The following CSMD1 variants were observed in gnomAD, a reference collection of about 807,000 sequenced individuals.
CSMD1 encodes the protein CUB and Sushi multiple domains 1.
A neutral mutation model predicts 417.5 loss-of-function variants in CSMD1; 213 were observed. That is an observed-to-expected ratio of 0.51 (90% CI 0.46 to 0.57). CSMD1 has a LOEUF of 0.57. Ranked by LOEUF, CSMD1 falls within the 20% of genes least tolerant of loss-of-function variation. CSMD1 has a pLI of 0.00. For synonymous variants in CSMD1, 2,862 were observed against 1,736.8 expected, an observed-to-expected ratio of 1.65 and a Z score of -16.11; for missense variants, 6,923 against 4,529.7, an observed-to-expected ratio of 1.53 and a Z score of -15.17.
chr8:4,499,855 T>C (rs548875043), intron 2 of CSMD1, among the ~76,000 whole-genome samples: 2 of 152,146 alleles, frequency 1.3e-5, no homozygotes, highest in Non-Finnish European at 2.9e-5. Flanking sequence ...AGCAGGTAAA[T>C]GGAAAATATC....
At chr8:4,357,617 A>T (rs1801504148) in intron 3 of CSMD1, among the ~76,000 whole-genome samples, 1 of 152,180 alleles carries the variant, frequency 6.6e-6, no homozygotes, top group Admixed American at 6.5e-5. Flanking sequence ...AATAAATAGC[A>T]TGCTTAAATA....
chr8:3,758,772 T>A (rs1259776113), intron 5 of CSMD1, among the ~76,000 whole-genome samples: 8 of 152,216 alleles, frequency 5.3e-5, no homozygotes, highest in Admixed American at 4.6e-4. Context: ...ACTGTCAATG[T>A]GTCACCTGAC....
intron 18 of CSMD1, among the ~76,000 whole-genome samples, chr8:3,387,139 C>T (rs1053819746): frequency 6.6e-6 from 1 of 152,120 alleles, no homozygotes; most frequent in African/African-American, 2.4e-5. Context: ...GACACTGGGA[C>T]GTATGTCAGG....
chr8:4,280,165 A>G (rs1292256114), intron 3 of CSMD1, among the ~76,000 whole-genome samples: 1 of 152,242 alleles, frequency 6.6e-6, no homozygotes, highest in Non-Finnish European at 1.5e-5. Context: ...AGTACGCTTA[A>G]AAGAAGATTT....
chr8:4,393,002 G>C (rs1251137036), intron 3 of CSMD1, among the ~76,000 whole-genome samples: 2 of 152,072 alleles, frequency 1.3e-5, no homozygotes, highest in Non-Finnish European at 2.9e-5. Flanking sequence ...GAGAGATGGA[G>C]TGTCACTCTG....
At chr8:4,562,078 G>A (rs775934498) in intron 2 of CSMD1, among the ~76,000 whole-genome samples, 3 of 152,202 alleles carry the variant, frequency 2.0e-5, no homozygotes, top group Non-Finnish European at 4.4e-5. Flanking sequence ...ATTACATGAA[G>A]AAGATGGAAA....
chr8:4,146,482 T>C (rs2131035783), intron 3 of CSMD1, among the ~76,000 whole-genome samples: 1 of 150,706 alleles, frequency 6.6e-6, no homozygotes, highest in East Asian at 1.9e-4. Context: ...AAAGGCTGTT[T>C]ACCCAGTTCC....
At chr8:3,913,605 G>C (rs1185111323) in intron 5 of CSMD1, among the ~76,000 whole-genome samples, 1 of 152,164 alleles carries the variant, frequency 6.6e-6, no homozygotes, top group Non-Finnish European at 1.5e-5. Flanking sequence ...CACAGATCTG[G>C]CAAGAATGTA....
At chr8:3,351,932 G>A (rs748252637) in intron 21 of CSMD1, among the ~76,000 whole-genome samples, 69 of 151,992 alleles carry the variant, frequency 4.5e-4, no homozygotes, top group Admixed American at 7.9e-4. Context: ...GTTTTCAGCC[G>A]TTATTTGTGT....
intron 16 of CSMD1, among the ~76,000 whole-genome samples, chr8:3,397,552 G>T (rs1317269154): frequency 1.3e-5 from 2 of 152,294 alleles, no homozygotes; most frequent in South Asian, 4.1e-4. Context: ...AAGGCCACAG[G>T]CTGCCACATT....
intron 4 of CSMD1, among the ~76,000 whole-genome samples, chr8:4,015,552 G>C (rs921688328): frequency 1.3e-5 from 2 of 151,340 alleles, no homozygotes; most frequent in Non-Finnish European, 2.9e-5. Context: ...TTTTATTAAA[G>C]GTATCAGTGC....
At chr8:4,454,230 G>A (rs889773870) in intron 2 of CSMD1, among the ~76,000 whole-genome samples, 1 of 151,898 alleles carries the variant, frequency 6.6e-6, no homozygotes, top group Non-Finnish European at 1.5e-5. Flanking sequence ...CCCCAACACC[G>A]CCACCCTCCT....
At chr8:4,466,712 A>T (rs1020694164) in intron 2 of CSMD1, among the ~76,000 whole-genome samples, 3 of 152,314 alleles carry the variant, frequency 2.0e-5, no homozygotes, top group African/African-American at 7.2e-5. Flanking sequence ...TAAAAATTTT[A>T]AAATGGTGTA....
chr8:4,408,567 G>T (rs1289027081), intron 3 of CSMD1, among the ~76,000 whole-genome samples: 1 of 152,124 alleles, frequency 6.6e-6, no homozygotes, highest in South Asian at 2.1e-4. Flanking sequence ...ACTCTGATTT[G>T]CACCAATGAA....
At position 4,295,550 on chromosome 8, in the gene CSMD1, C is replaced by G. The variant is rs1025796868; in HGVS notation, c.415+124403G>C. Among the ~76,000 whole-genome samples the G allele has an allele frequency of 9.1e-5, 13 of 143,030 alleles. 1 individual carries two copies. The South Asian group carries it at 1.5e-3, about 17-fold the overall frequency. 93.8% of individuals were successfully genotyped at this position (143,030 alleles called of 152,430 possible). On this transcript the variant is annotated intron_variant, in intron 3 of 69. Coordinates refer to ENST00000635120, the MANE Select transcript of CSMD1 (RefSeq NM_033225.6). ...ATTACATATATTATAAATATATAATCTTAAGATTATATGTCATCTTTTTAA... is the reference window on the plus strand; with the variant it reads ...ATTACATATATTATAAATATATAATGTTAAGATTATATGTCATCTTTTTAA...
intron 3 of CSMD1, among the ~76,000 whole-genome samples, chr8:4,133,928 T>G (rs1185128991): frequency 2.0e-5 from 3 of 152,204 alleles, no homozygotes; most frequent in Non-Finnish European, 2.9e-5. Context: ...CAGAATAAAA[T>G]CTTGATGTTT....
chr8:3,918,784 C>A (rs967746103), intron 5 of CSMD1, among the ~76,000 whole-genome samples: 2 of 151,992 alleles, frequency 1.3e-5, no homozygotes, highest in East Asian at 1.9e-4. Flanking sequence ...CAATGGAAAA[C>A]CAAACATTTT....
intron 5 of CSMD1, among the ~76,000 whole-genome samples, chr8:3,934,464 A>G (rs374095355): frequency 3.9e-5 from 6 of 152,284 alleles, no homozygotes; most frequent in South Asian, 2.1e-4. Flanking sequence ...AAGTAAATGA[A>G]TGTCTTTTTT....
At chr8:3,353,705 TG>T (rs1808561428) in intron 21 of CSMD1, among the ~76,000 whole-genome samples, 1 of 152,212 alleles carries the variant, frequency 6.6e-6, no homozygotes, top group South Asian at 2.1e-4. Flanking sequence ...CAGAATTAAA[TG>T]TTTCATTTTA....
Sources: gnomAD v4.1 joint callset for allele counts (sites outside exome capture counted in the v4.1 genomes callset) on GRCh38, gnomAD v4.1.1 for gene constraint, MANE v1.5 for transcripts, NCBI Gene and HGNC (gene_info 2026-07-23, HGNC 2026-07-21) for gene names.